CDKAL1: variants seen among roughly 807,000 people sequenced by gnomAD.
The protein encoded by CDKAL1 is threonylcarbamoyladenosine tRNA methylthiotransferase.
A neutral mutation model predicts 68.2 loss-of-function variants in CDKAL1; 32 were observed. The ratio of observed to expected loss-of-function variants is 0.47; its 90% CI spans 0.35 to 0.63. The LOEUF is 0.63. Ranked by LOEUF, CDKAL1 falls within the 30% of genes least tolerant of loss-of-function variation. The pLI is 0.00. For synonymous variants in CDKAL1, 234 were observed against 244.3 expected, an observed-to-expected ratio of 0.96 and a Z score of 0.39; for missense variants, 606 against 696.7, an observed-to-expected ratio of 0.87 and a Z score of 1.47.
In CDKAL1 at chr6:21,180,127, A is replaced by G. The variant is rs185464752; in HGVS notation, c.1300-17894A>G. On this transcript the variant is annotated intron_variant, in intron 13 of 15. Coordinates refer to ENST00000274695, the MANE Select transcript of CDKAL1 (RefSeq NM_017774.3). The stretch of plus-strand genomic sequence containing the variant: ...TTTCCTGATCTGTTGAATGAGAATA[A>G]TGTCTACTCACCCTGTAGGGTGTTT... Among the ~76,000 whole-genome samples, 333 of 152,344 alleles carry G rather than the reference A, an allele frequency of 2.2e-3. 1 individual carries two copies. Among genetic ancestry groups the G allele is most frequent in the Non-Finnish European group, 3.8e-3 (257 of 68,032 alleles).
At chr6:21,194,844 A>G (rs1778400823) in intron 13 of CDKAL1, among the ~76,000 whole-genome samples, 1 of 152,144 alleles carries the variant, frequency 6.6e-6, no homozygotes, top group African/African-American at 2.4e-5. Flanking sequence ...TGACTTTAAT[A>G]TTATTTGGAA....
At chr6:21,154,290 T>C (rs984764238) in intron 13 of CDKAL1, among the ~76,000 whole-genome samples, 5 of 152,200 alleles carry the variant, frequency 3.3e-5, no homozygotes, top group Non-Finnish European at 5.9e-5. Context: ...TGCAAAGAAG[T>C]AATACATCAA....
intron 4 of CDKAL1, among the ~76,000 whole-genome samples, chr6:20,632,985 G>A (rs977953941): frequency 1.3e-5 from 2 of 152,146 alleles, no homozygotes; most frequent in African/African-American, 4.8e-5. Flanking sequence ...TAGGCAGTGG[G>A]CACAGAAATG....
intron 11 of CDKAL1, among the ~76,000 whole-genome samples, chr6:21,048,788 T>C (rs1358588789): frequency 6.6e-6 from 1 of 152,166 alleles, no homozygotes; most frequent in Non-Finnish European, 1.5e-5. Flanking sequence ...AAGAATGCCA[T>C]GATCTGGGTT....
chr6:20,704,672 C>T (rs1378119824), intron 5 of CDKAL1, among the ~76,000 whole-genome samples: 1 of 152,100 alleles, frequency 6.6e-6, no homozygotes, highest in Non-Finnish European at 1.5e-5. Context: ...CAGTATAAAA[C>T]CAGAAAACAA....
chr6:20,654,629 A>G (rs1768941194), intron 5 of CDKAL1, among the ~76,000 whole-genome samples: 1 of 152,096 alleles, frequency 6.6e-6, no homozygotes, highest in African/African-American at 2.4e-5. Context: ...ATTATTTTTT[A>G]TTATGGTATC....
At chr6:21,005,805 A>G (rs1176724390) in intron 11 of CDKAL1, among the ~76,000 whole-genome samples, 1 of 152,170 alleles carries the variant, frequency 6.6e-6, no homozygotes, top group African/African-American at 2.4e-5. Context: ...TAAGTTCACT[A>G]TACCCAGAGA....
chr6:20,673,616 G>A (rs1030467758), intron 5 of CDKAL1, among the ~76,000 whole-genome samples: 4 of 152,168 alleles, frequency 2.6e-5, no homozygotes, highest in Non-Finnish European at 5.9e-5. Flanking sequence ...ATTCCCATGT[G>A]TTGTGGGAGG....
At chr6:21,046,616 CAG>C (rs1241101606) in intron 11 of CDKAL1, among the ~76,000 whole-genome samples, 1 of 152,202 alleles carries the variant, frequency 6.6e-6, no homozygotes, top group Non-Finnish European at 1.5e-5. Context: ...CCTTTTGAGG[CAG>C]AGATTTTGGC....
chr6:20,787,445 C>T (rs568294152), intron 8 of CDKAL1, among the ~76,000 whole-genome samples: 1 of 152,236 alleles, frequency 6.6e-6, no homozygotes, highest in South Asian at 2.1e-4. Flanking sequence ...GACAACTCAG[C>T]TGTCAGATTA....
At chr6:21,076,816 T>C (rs1053217001) in intron 12 of CDKAL1, among the ~76,000 whole-genome samples, 8 of 152,202 alleles carry the variant, frequency 5.3e-5, no homozygotes, top group Admixed American at 2.6e-4. Context: ...TCCCTTCCAG[T>C]TGATCTTTTG....
chr6:21,121,102 C>A (rs1774687527), intron 13 of CDKAL1, among the ~76,000 whole-genome samples: 1 of 152,136 alleles, frequency 6.6e-6, no homozygotes, highest in South Asian at 2.1e-4. Context: ...TTTCCCCACA[C>A]CCCTGCTATA....
chr6:21,069,804 T>TTTTTTTTTTTAAAA (rs60342057), intron 12 of CDKAL1, among the ~76,000 whole-genome samples: 3 of 85,478 alleles, frequency 3.5e-5, no homozygotes, highest in African/African-American at 4.1e-5. Context: ...TTTTTTTTTT[T>TTTTTTTTTTTAAAA]AAAACAGAGC....
In CDKAL1 at chr6:20,618,759, G is replaced by A. The variant is rs945955328; in HGVS notation, c.287-30534G>A. Among the ~76,000 whole-genome samples the A allele has an allele frequency of 4.0e-5, 6 of 151,768 alleles. No homozygotes were observed. In the South Asian group the frequency reaches 1.2e-3, roughly 32 times the overall value. Reference sequence around the variant, plus strand: ...AGTGGCGCAGTCTTGGCTCACTCTAGCCTCGACTTCCCAGGCTCAGCTGAT... The same window carrying A: ...AGTGGCGCAGTCTTGGCTCACTCTAACCTCGACTTCCCAGGCTCAGCTGAT... On this transcript the variant is annotated intron_variant, in intron 4 of 15. Coordinates refer to ENST00000274695, the MANE Select transcript of CDKAL1 (RefSeq NM_017774.3).
At chr6:20,563,848 A>C (rs1165873024) in intron 4 of CDKAL1, among the ~76,000 whole-genome samples, 1 of 152,206 alleles carries the variant, frequency 6.6e-6, no homozygotes, top group Non-Finnish European at 1.5e-5. Flanking sequence ...ACAGAATCTT[A>C]ACTAATATAA....
At chr6:20,580,453 A>T (rs748951533) in intron 4 of CDKAL1, among the ~76,000 whole-genome samples, 6 of 151,990 alleles carry the variant, frequency 3.9e-5, no homozygotes, top group Non-Finnish European at 8.8e-5. Flanking sequence ...GAGTCTCAGG[A>T]TGCATCAGTG....
At chr6:20,896,068 CTTCT>C (rs141602861) in intron 9 of CDKAL1, among the ~76,000 whole-genome samples, 14,922 of 146,758 alleles carry the variant, frequency 0.1, 832 homozygotes, top group African/African-American at 0.13. Flanking sequence ...TTGGAAATGG[CTTCT>C]TTTTTTCTTT....
intron 5 of CDKAL1, among the ~76,000 whole-genome samples, chr6:20,654,068 A>G (rs1768905283): frequency 6.6e-6 from 1 of 151,202 alleles, no homozygotes; most frequent in South Asian, 2.1e-4. Flanking sequence ...TTTTTAGTAG[A>G]GATGTGGTTT....
chr6:21,008,290 G>C (rs1767836573), intron 11 of CDKAL1, among the ~76,000 whole-genome samples: 1 of 152,154 alleles, frequency 6.6e-6, no homozygotes, highest in Admixed American at 6.5e-5. Flanking sequence ...TATAGGTAAT[G>C]AGATCATCCA....
Sources: allele counts gnomAD v4.1 joint callset (sites outside exome capture counted in the v4.1 genomes callset), GRCh38; gene constraint gnomAD v4.1.1; transcripts MANE v1.5; gene names NCBI Gene and HGNC (gene_info 2026-07-23, HGNC 2026-07-21).